Variants in ARHGAP23 observed in about 807,000 individuals in gnomAD.
The protein encoded by ARHGAP23 is rho GTPase-activating protein 23.
In ARHGAP23, 34 loss-of-function variants were observed where a neutral mutation model predicts 136.3. The observed-to-expected ratio is 0.25, with a 90% CI of 0.19 to 0.33. ARHGAP23 has a LOEUF of 0.33. ARHGAP23 is among the 10% of genes least tolerant of loss of function. The pLI, the probability that ARHGAP23 is intolerant of heterozygous loss-of-function variation, is 1.00. For missense variants in ARHGAP23, 1,808 were observed against 2,139.0 expected, an observed-to-expected ratio of 0.85 and a Z score of 3.05; for synonymous variants, 832 against 920.5, an observed-to-expected ratio of 0.90 and a Z score of 1.74.
intron 1 of ARHGAP23, among the ~76,000 whole-genome samples, chr17:38,448,593 C>G (rs1367336153): frequency 6.6e-6 from 1 of 151,576 alleles, no homozygotes. Flanking sequence ...GACTCCAGAT[C>G]CCGTGTGTCA....
At chr17:38,494,638 A>G (rs1187080885) in intron 20 of ARHGAP23, among the ~76,000 whole-genome samples, 1 of 152,242 alleles carries the variant, frequency 6.6e-6, no homozygotes, top group Non-Finnish European at 1.5e-5. Context: ...TGTTTATCAA[A>G]GTAAGAGCTG....
At position 38,469,542 on chromosome 17, in the gene ARHGAP23, G is replaced by A. The variant is rs1172366322; in HGVS notation, c.1823G>A (p.Arg608His). ...SQDCSSIKAG[R>H]RSSYLLAITT... ...TTTGCAGGCAGCATCAAGGCTGGCC[G>A]CCGCTCCTCCTACCTGCTGGCCATC... The change falls in exon 9 of 24, where the codon CGC becomes CAC. Residue 608 changes from arginine to histidine, a missense_variant. This residue lies in a region of ARHGAP23 where 859 missense variants were observed against 936.4 expected (regional missense o/e 0.92). Coordinates refer to ENST00000622683, the MANE Select transcript of ARHGAP23 (RefSeq NM_001199417.2). 15 of 1,548,266 alleles carry A rather than the reference G, an allele frequency of 9.7e-6. No homozygotes were observed. Among genetic ancestry groups the A allele is most frequent in the African/African-American group, 6.9e-5 (5 of 72,966 alleles).
At chr17:38,506,131 G>T (rs1378245474) in intron 23 of ARHGAP23, among the ~76,000 whole-genome samples, 2 of 152,170 alleles carry the variant, frequency 1.3e-5, no homozygotes, top group African/African-American at 4.8e-5. Flanking sequence ...AATGCCTTTG[G>T]TCATCGCTGA....
intron 1 of ARHGAP23, chr17:38,457,526 G>A (rs953326310): frequency 1.1e-4 from 17 of 160,314 alleles, no homozygotes; most frequent in African/African-American, 4.1e-4. Context: ...GCATATCTAT[G>A]TGTCTACAAA....
intron 23 of ARHGAP23, among the ~76,000 whole-genome samples, chr17:38,508,910 GT>G (rs2040692247): frequency 6.6e-6 from 1 of 152,058 alleles, no homozygotes; most frequent in South Asian, 2.1e-4. Flanking sequence ...TGAGTGTGGT[GT>G]TGGACAGGGA....
At chr17:38,480,803 C>CAAAA (rs764004002) in intron 14 of ARHGAP23, among the ~76,000 whole-genome samples, 29 of 47,704 alleles carry the variant, frequency 6.1e-4, no homozygotes, top group Admixed American at 9.1e-4. Context: ...GACCCTGTCT[C>CAAAA]AAAAAAAAAA....
At chr17:38,466,050 C>T (rs142895758) in intron 6 of ARHGAP23, 117 bp from the exon 7 acceptor site, 24 of 789,796 alleles carry the variant, frequency 3.0e-5, no homozygotes, top group Non-Finnish European at 4.0e-5. Context: ...GTTCCCCCCA[C>T]CGCTTGGTCC....
chr17:38,458,358 T>G lies in ARHGAP23; in HGVS notation c.225+95T>G, dbSNP rs1476894247. ...TCCCCTTCATGGTCCTTTCACCCTC[T>G]CAGAGAGGCAGTCCTTCCTGGGGTC... On this transcript the variant is annotated intron_variant, in intron 2 of 23. Transcript: ENST00000622683. 9.2e-6 allele frequency: 13 copies of G among 1,406,740 alleles called. No homozygotes were observed. In the Middle Eastern group the frequency reaches 5.5e-4, roughly 59 times the overall value. The allele number at this position is 1,406,740 out of a possible 1,614,324, so 87.1% of individuals were successfully genotyped here. A position where few individuals can be genotyped will look rare whatever the true frequency, so the allele number is the denominator to read the frequency against.
At chr17:38,486,190 C>T in intron 17 of ARHGAP23, 50 bp downstream of exon 17, 1 of 1,424,452 alleles carries the variant, frequency 7.0e-7, no homozygotes, top group Non-Finnish European at 9.7e-7. Context: ...GTCCGTGCCT[C>T]ACCCTGACCA....
chr17:38,484,549 G>A (rs528422730), intron 16 of ARHGAP23, among the ~76,000 whole-genome samples: 5 of 152,298 alleles, frequency 3.3e-5, no homozygotes, highest in African/African-American at 1.2e-4. Flanking sequence ...CCGCCAGTGA[G>A]GCTGGGGTGA....
chr17:38,506,466 T>C (rs2040636161), intron 23 of ARHGAP23, among the ~76,000 whole-genome samples: 1 of 152,170 alleles, frequency 6.6e-6, no homozygotes, highest in Non-Finnish European at 1.5e-5. Context: ...GCTGCTGTAA[T>C]AAAATGCCAT....
chr17:38,480,406 G>A (rs2040006942), intron 14 of ARHGAP23, among the ~76,000 whole-genome samples: 5 of 152,158 alleles, frequency 3.3e-5, no homozygotes, highest in Admixed American at 6.5e-5. Context: ...GGCCGAGGTG[G>A]GCGGATCACG....
At chr17:38,492,922 C>T (rs2040309480) in intron 20 of ARHGAP23, among the ~76,000 whole-genome samples, 1 of 152,208 alleles carries the variant, frequency 6.6e-6, no homozygotes, top group Non-Finnish European at 1.5e-5. Context: ...GGTGTCTGGC[C>T]CTGTGCTCCT....
intron 16 of ARHGAP23, among the ~76,000 whole-genome samples, chr17:38,485,631 G>A (rs932840899): frequency 1.3e-5 from 2 of 152,218 alleles, no homozygotes; most frequent in African/African-American, 4.8e-5. Flanking sequence ...TTTAGGCGGG[G>A]ATGAGGAGCC....
At chr17:38,486,004 T>G in intron 16 of ARHGAP23, 58 bp from the exon 17 acceptor site, 3 of 1,486,656 alleles carry the variant, frequency 2.0e-6, no homozygotes, top group Non-Finnish European at 2.8e-6. Context: ...TGAATGATCG[T>G]GGAGGCATGG....
intron 16 of ARHGAP23, 102 bp from the exon 17 acceptor site, chr17:38,485,960 G>A (rs1208563964): frequency 6.3e-6 from 7 of 1,105,174 alleles, no homozygotes; most frequent in African/African-American, 1.6e-5. Flanking sequence ...GTAGGTCCCA[G>A]GGAGGGCCTG....
intron 23 of ARHGAP23, among the ~76,000 whole-genome samples, chr17:38,501,964 T>C (rs1273457881): frequency 6.6e-6 from 1 of 151,948 alleles, no homozygotes; most frequent in Non-Finnish European, 1.5e-5. Flanking sequence ...AAATGTTATT[T>C]AAATAGTTAT....
chr17:38,421,588 G>C (rs1363415321), intron 1 of ARHGAP23, among the ~76,000 whole-genome samples: 1 of 152,236 alleles, frequency 6.6e-6, no homozygotes, highest in African/African-American at 2.4e-5. Context: ...CGATGTGTCT[G>C]TTTGGTATGT....
chr17:38,463,386 A>G lies in ARHGAP23; in HGVS notation c.483+4A>G. 6.4e-7 allele frequency: 1 copy of G among 1,551,670 alleles called. No homozygotes were observed. Among genetic ancestry groups the G allele is most frequent in the Non-Finnish European group, 8.7e-7 (1 of 1,146,936 alleles). On this transcript the variant is annotated splice_donor_region_variant and intron_variant, in intron 6 of 23. Coordinates refer to ENST00000622683, the MANE Select transcript of ARHGAP23 (RefSeq NM_001199417.2). ...GGACGAGGACATCCTCCAGCTGGTGAGTCCAGCCCCTGTGGCCTGAGAGGA... is the reference window on the plus strand; with the variant it reads ...GGACGAGGACATCCTCCAGCTGGTGGGTCCAGCCCCTGTGGCCTGAGAGGA...
Sources: gnomAD v4.1 joint callset for allele counts (sites outside exome capture counted in the v4.1 genomes callset) on GRCh38, gnomAD v4.1.1 for gene constraint, gnomAD v4.1.1 regional missense constraint, MANE v1.5 for transcripts, NCBI Gene and HGNC (gene_info 2026-07-23, HGNC 2026-07-21) for gene names.